The following EGFLAM variants were observed in gnomAD, a reference collection of about 807,000 sequenced individuals.
The protein encoded by EGFLAM is EGF like, fibronectin type III and laminin G domains.
EGFLAM carries 79 observed loss-of-function variants against 113.1 expected under a neutral mutation model. The ratio of observed to expected loss-of-function variants is 0.70; its 90% confidence interval spans 0.58 to 0.84. The LOEUF (loss-of-function observed/expected upper bound fraction) is 0.84. EGFLAM is among the 40% of genes least tolerant of loss of function. The pLI, the probability that EGFLAM is intolerant of heterozygous loss-of-function variation, is 0.00. For missense variants in EGFLAM, 1,265 were observed against 1,291.6 expected, an observed-to-expected ratio of 0.98 and a Z score of 0.32; for synonymous variants, 504 against 487.6, an observed-to-expected ratio of 1.03 and a Z score of -0.44.
chr5:38,453,196 C>A (rs1036801836), intron 19 of EGFLAM, among the ~76,000 whole-genome samples: 4 of 152,174 alleles, frequency 2.6e-5, no homozygotes, highest in Non-Finnish European at 4.4e-5. Flanking sequence ...ATTCTGATAC[C>A]CTCAAAGCTT....
At chr5:38,458,041 C>G (rs1434089766) in intron 19 of EGFLAM, among the ~76,000 whole-genome samples, 1 of 152,134 alleles carries the variant, frequency 6.6e-6, no homozygotes, top group African/African-American at 2.4e-5. Flanking sequence ...TGAATATGTA[C>G]TTAATGCTGC....
In EGFLAM at chr5:38,465,194, G is replaced by A. The variant is rs16903980; in HGVS notation, c.*1208G>A. Among the ~76,000 whole-genome samples, 1,143 of 152,252 alleles carry A rather than the reference G, an allele frequency of 7.5e-3. 15 individuals carry two copies. Among genetic ancestry groups the A allele is most frequent in the Admixed American group, 0.033 (508 of 15,294 alleles). Reference sequence around the variant, plus strand: ...CAGAGAAACAGGACTTCTTCCTTCTGTACCATGAGCTGTGTCCCTTTACTA... The same window carrying A: ...CAGAGAAACAGGACTTCTTCCTTCTATACCATGAGCTGTGTCCCTTTACTA... On this transcript the variant is annotated 3_prime_UTR_variant, in exon 22 of 22. Coordinates refer to ENST00000322350, the MANE Select transcript of EGFLAM (RefSeq NM_152403.4).
chr5:38,419,333 T>C (rs990194129), intron 12 of EGFLAM, among the ~76,000 whole-genome samples: 1 of 152,228 alleles, frequency 6.6e-6, no homozygotes, highest in Non-Finnish European at 1.5e-5. Flanking sequence ...GATATCCCTA[T>C]GATACTCTCC....
At chr5:38,270,124 A>G (rs952315222) in intron 1 of EGFLAM, among the ~76,000 whole-genome samples, 1 of 152,244 alleles carries the variant, frequency 6.6e-6, no homozygotes, top group African/African-American at 2.4e-5. Flanking sequence ...GACAGCTTTC[A>G]GTCATGCTCC....
At position 38,337,594 on chromosome 5, in the gene EGFLAM, C is replaced by G; in HGVS notation, c.172C>G (p.Pro58Ala). 5 of 1,605,466 alleles carry G rather than the reference C, an allele frequency of 3.1e-6. No individual in the cohort carries two copies. The highest frequency in any genetic ancestry group is 3.4e-6 in the Non-Finnish European group (4 of 1,175,336). ...CTAFSIQWKM[P>A]RHPGSPILGY... is the part of the protein sequence containing the mutation. ...GGCTTTCAGCATCCAGTGGAAAATG[C>G]CAAGGCATCCTGGAAGTCCCATCCT... The change falls in exon 2 of 22, where the codon CCA becomes GCA. Residue 58 changes from proline (P) to alanine (A), a missense_variant. Pro to Ala is a conservative substitution (Grantham distance 27). Transcript: ENST00000322350.
intron 6 of EGFLAM, among the ~76,000 whole-genome samples, chr5:38,372,192 G>A (rs1367779788): frequency 6.6e-6 from 1 of 151,806 alleles, no homozygotes; most frequent in East Asian, 1.9e-4. Flanking sequence ...ACCCAGGTTG[G>A]AGTGCAATGG....
chr5:38,274,694 A>G (rs1757844065), intron 1 of EGFLAM, among the ~76,000 whole-genome samples: 1 of 152,214 alleles, frequency 6.6e-6, no homozygotes, highest in Non-Finnish European at 1.5e-5. Flanking sequence ...GTCTTACAAG[A>G]AATGCTAAAG....
intron 5 of EGFLAM, among the ~76,000 whole-genome samples, chr5:38,356,535 C>G (rs771008061): frequency 6.6e-6 from 1 of 152,146 alleles, no homozygotes; most frequent in Non-Finnish European, 1.5e-5. Flanking sequence ...AAATTAGAAC[C>G]GAATTCTCCT....
intron 17 of EGFLAM, among the ~76,000 whole-genome samples, chr5:38,443,632 C>T (rs912808610): frequency 4.4e-4 from 67 of 152,288 alleles, no homozygotes; most frequent in Admixed American, 3.8e-3. Context: ...GTGTTTGCTC[C>T]GGCAGGATGG....
chr5:38,452,784 ACC>A (rs985183025), intron 19 of EGFLAM, among the ~76,000 whole-genome samples: 3 of 152,354 alleles, frequency 2.0e-5, no homozygotes, highest in African/African-American at 7.2e-5. Context: ...CTTGGGTGTT[ACC>A]GATAACGCAG....
At chr5:38,422,642 A>G (rs1741868913) in intron 12 of EGFLAM, among the ~76,000 whole-genome samples, 1 of 152,218 alleles carries the variant, frequency 6.6e-6, no homozygotes, top group Admixed American at 6.5e-5. Context: ...AAAGCATATT[A>G]AGAACAGAAT....
Position 38,427,073 on chromosome 5 carries a change from A to C in EGFLAM, c.1875A>C (p.Pro625=), listed in dbSNP as rs777214193. The change falls in exon 14 of 22, where the codon CCA becomes CCC. Residue 625 remains proline (P), a synonymous_variant. Coordinates refer to ENST00000322350, the MANE Select transcript of EGFLAM (RefSeq NM_152403.4). The part of the protein sequence containing the change: ...SLRSYAATPW[P]LEPQHYLSFM... Reference sequence around the variant, plus strand: ...GATCTTACGCTGCAACTCCCTGGCCACTGGAGCCCCAGCATTACCTTTCCT... The same window carrying C: ...GATCTTACGCTGCAACTCCCTGGCCCCTGGAGCCCCAGCATTACCTTTCCT... 13 of 1,614,080 alleles carry C rather than the reference A, an allele frequency of 8.1e-6. No homozygotes were observed. The highest frequency in any genetic ancestry group is 1.1e-5 in the Non-Finnish European group (13 of 1,180,006).
chr5:38,275,928 C>G (rs76309420), intron 1 of EGFLAM, among the ~76,000 whole-genome samples: 1 of 152,108 alleles, frequency 6.6e-6, no homozygotes, highest in Non-Finnish European at 1.5e-5. Flanking sequence ...TTGGGAAAAT[C>G]GCAAATACAT....
chr5:38,372,434 C>T (rs546848206), intron 6 of EGFLAM, among the ~76,000 whole-genome samples: 3 of 152,198 alleles, frequency 2.0e-5, no homozygotes, highest in Non-Finnish European at 2.9e-5. Flanking sequence ...GCTGGGATTA[C>T]AGGCATGAGC....
intron 10 of EGFLAM, 64 bp from the exon 11 acceptor site, chr5:38,412,440 G>A (rs887613350): frequency 7.6e-5 from 122 of 1,612,152 alleles, no homozygotes; most frequent in Non-Finnish European, 1.0e-4. Context: ...TGACGTCCAC[G>A]GAATCTGAAA....
intron 6 of EGFLAM, among the ~76,000 whole-genome samples, chr5:38,382,980 T>C (rs1305634945): frequency 6.6e-6 from 1 of 152,188 alleles, no homozygotes; most frequent in Non-Finnish European, 1.5e-5. Flanking sequence ...CAGCCACAGC[T>C]GCTCAGGAGG....
At chr5:38,263,909 A>G (rs568757315) in intron 1 of EGFLAM, among the ~76,000 whole-genome samples, 142 of 152,162 alleles carry the variant, frequency 9.3e-4, no homozygotes, top group African/African-American at 3.4e-3. Flanking sequence ...AGGCAAAGGG[A>G]TCTCCAGCTT....
intron 5 of EGFLAM, among the ~76,000 whole-genome samples, chr5:38,356,209 G>T (rs1252926114): frequency 6.6e-6 from 1 of 152,154 alleles, no homozygotes; most frequent in African/African-American, 2.4e-5. Context: ...TGGAACATGG[G>T]AATATGGGAA....
intron 1 of EGFLAM, among the ~76,000 whole-genome samples, chr5:38,310,827 C>T (rs942433552): frequency 2.0e-5 from 3 of 152,154 alleles, no homozygotes; most frequent in Non-Finnish European, 4.4e-5. Flanking sequence ...GGCCAATAAA[C>T]TCTTTCCTTG....
Sources: allele counts gnomAD v4.1 joint callset (sites outside exome capture counted in the v4.1 genomes callset), GRCh38; gene constraint gnomAD v4.1.1; transcripts MANE v1.5; gene names NCBI Gene and HGNC (gene_info 2026-07-23, HGNC 2026-07-21).